The following FRMD4B variants were observed in gnomAD, a reference collection of about 807,000 sequenced individuals.
FRMD4B encodes the protein FERM domain-containing protein 4B.
In FRMD4B, 74 loss-of-function variants were observed where a neutral mutation model predicts 141.5. The ratio of observed to expected loss-of-function variants is 0.52; its 90% confidence interval spans 0.43 to 0.63. The LOEUF (loss-of-function observed/expected upper bound fraction) is 0.63, where lower values mean the gene tolerates loss of function less well. Ranked by LOEUF, FRMD4B falls within the 30% of genes least tolerant of loss-of-function variation. FRMD4B has a pLI of 0.00. For missense variants in FRMD4B, 1,366 were observed against 1,253.4 expected, an observed-to-expected ratio of 1.09 and a Z score of -1.36; for synonymous variants, 506 against 467.9, an observed-to-expected ratio of 1.08 and a Z score of -1.05.
At chr3:69,277,113 T>A (rs992636506) in intron 5 of FRMD4B, among the ~76,000 whole-genome samples, 6 of 152,220 alleles carry the variant, frequency 3.9e-5, no homozygotes, top group Admixed American at 3.3e-4. Context: ...AGTCTTGCAA[T>A]AACCCTATTT....
chr3:69,272,287 T>C (rs4855372), intron 5 of FRMD4B, among the ~76,000 whole-genome samples: 105,503 of 151,986 alleles, frequency 0.69, 37,333 homozygotes, highest in Non-Finnish European at 0.77. Flanking sequence ...GAACTACAGG[T>C]GTGCACCACC....
intron 1 of FRMD4B, among the ~76,000 whole-genome samples, chr3:69,320,388 T>G (rs1283553224): frequency 6.6e-6 from 1 of 151,344 alleles, no homozygotes; most frequent in African/African-American, 2.4e-5. Flanking sequence ...AGCCCAGGAG[T>G]TTGAGACCCA....
At position 69,195,330 on chromosome 3, in the gene FRMD4B, C is replaced by G; in HGVS notation, c.1269G>C (p.Lys423Asn). The G allele has an allele frequency of 6.2e-7, 1 of 1,613,118 alleles. No individual in the cohort carries two copies. The highest frequency in any genetic ancestry group is 8.5e-7 in the Non-Finnish European group (1 of 1,179,550). The change falls in exon 15 of 23, where the codon AAG (lysine) becomes AAC (asparagine). Residue 423 changes from lysine to asparagine, a missense_variant. Physicochemically the swap from Lys to Asn is moderately conservative, Grantham distance 94 (BLOSUM62 0). Transcript: ENST00000398540. Reference sequence around the variant, plus strand: ...TCTTTAGTTCAAGGATTTTTTCTCTCTTTTGCTCTTCACTAACTTCTGAGT... The same window carrying G: ...TCTTTAGTTCAAGGATTTTTTCTCTGTTTTGCTCTTCACTAACTTCTGAGT... ...SQDSEVSEEQ[K>N]REKILELKKK...
chr3:69,364,693 G>A (rs952556750), intron 1 of FRMD4B, among the ~76,000 whole-genome samples: 13 of 152,024 alleles, frequency 8.6e-5, no homozygotes, highest in Non-Finnish European at 1.5e-4. Context: ...TTTCATGGTC[G>A]CTCGTGGCTA....
chr3:69,538,891 A>T (rs538712225), intron 1 of FRMD4B, among the ~76,000 whole-genome samples: 1 of 152,344 alleles, frequency 6.6e-6, no homozygotes, highest in African/African-American at 2.4e-5. Context: ...ATCTAAAACA[A>T]ATAACAACTA....
intron 7 of FRMD4B, among the ~76,000 whole-genome samples, chr3:69,240,793 A>G (rs2093376843): frequency 6.6e-6 from 1 of 152,230 alleles, no homozygotes; most frequent in South Asian, 2.1e-4. Context: ...TCCAGAAACA[A>G]ACCAAAAGGC....
chr3:69,236,289 C>G (rs1575642371), intron 7 of FRMD4B, among the ~76,000 whole-genome samples: 2 of 150,666 alleles, frequency 1.3e-5, no homozygotes, highest in African/African-American at 4.9e-5. Context: ...AGTGCAGTGG[C>G]ACAATCTCAG....
At chr3:69,431,170 G>C (rs1053848134) in intron 2 of FRMD4B, among the ~76,000 whole-genome samples, 1 of 152,224 alleles carries the variant, frequency 6.6e-6, no homozygotes, top group African/African-American at 2.4e-5. Context: ...ACCAGGTCAA[G>C]TCTAGCCTTA....
intron 20 of FRMD4B, 54 bp from the exon 21 acceptor site, chr3:69,181,764 A>G (rs141409273): frequency 9.1e-7 from 1 of 1,094,196 alleles, no homozygotes; most frequent in Non-Finnish European, 1.3e-6. Flanking sequence ...GGAGGACCCA[A>G]ATAAGAAAAA....
chr3:69,203,014 A>T (rs766793096), intron 11 of FRMD4B, among the ~76,000 whole-genome samples: 27 of 152,100 alleles, frequency 1.8e-4, no homozygotes, highest in Non-Finnish European at 3.7e-4. Flanking sequence ...GGTGGAATCA[A>T]GCTGTATTTT....
intron 10 of FRMD4B, among the ~76,000 whole-genome samples, chr3:69,217,119 A>C (rs565821937): frequency 6.6e-6 from 1 of 152,340 alleles, no homozygotes; most frequent in East Asian, 1.9e-4. Flanking sequence ...TGAACACGGG[A>C]ATATCGAAAA....
chr3:69,278,500 G>C (rs2093628795), intron 5 of FRMD4B, among the ~76,000 whole-genome samples: 2 of 151,712 alleles, frequency 1.3e-5, no homozygotes, highest in African/African-American at 4.8e-5. Context: ...GTCTTGCTAT[G>C]TTGCCCATGC....
chr3:69,494,045 T>A (rs748529352), intron 1 of FRMD4B, among the ~76,000 whole-genome samples: 2 of 152,152 alleles, frequency 1.3e-5, no homozygotes, highest in Non-Finnish European at 2.9e-5. Context: ...CTCAGTTAAT[T>A]TTTTAAAAGA....
chr3:69,372,480 C>T (rs2107493458), intron 1 of FRMD4B, among the ~76,000 whole-genome samples: 1 of 152,286 alleles, frequency 6.6e-6, no homozygotes, highest in South Asian at 2.1e-4. Flanking sequence ...GCCTGGCCAA[C>T]ATGGAGAAAG....
intron 19 of FRMD4B, among the ~76,000 whole-genome samples, chr3:69,186,017 G>C (rs2092762568): frequency 6.6e-6 from 1 of 151,164 alleles, no homozygotes; most frequent in South Asian, 2.1e-4. Context: ...ACTCCAGCCT[G>C]GGTGACAGAG....
chr3:69,522,612 T>A (rs1488231578), intron 1 of FRMD4B, among the ~76,000 whole-genome samples: 3 of 152,106 alleles, frequency 2.0e-5, no homozygotes, highest in Admixed American at 6.5e-5. Context: ...TTATTTGTCA[T>A]CTGAAACTGG....
rs779637708 is a variant in FRMD4B at position 69,203,339 on chromosome 3, A to AG, written c.877-4566_877-4565insC. Among the ~76,000 whole-genome samples, 1,156 of 124,438 alleles carry AG rather than the reference A, an allele frequency of 9.3e-3. 3 individuals are homozygous for AG. The highest frequency in any genetic ancestry group is 0.014 in the Non-Finnish European group (765 of 55,608). 81.6% of individuals were successfully genotyped at this position (124,438 alleles called of 152,430 possible). On this transcript the variant is annotated intron_variant, in intron 11 of 22. Transcript: ENST00000398540. ...CTTCAGCAAAAAAAAAAAAAAAAAA[A>AG]AAAAAGAAAGAAAGAAAGAAAAATA... is the stretch of plus-strand genomic sequence containing the variant.
At chr3:69,196,734 G>A in intron 13 of FRMD4B, 166 bp downstream of exon 13, 2 of 609,146 alleles carry the variant, frequency 3.3e-6, no homozygotes, top group South Asian at 4.3e-5. Flanking sequence ...CTTATATATT[G>A]CCCATCATGT....
Position 69,287,832 on chromosome 3 carries a change from A to G in FRMD4B, c.421T>C (p.Tyr141His), listed in dbSNP as rs1700741802. The G allele has an allele frequency of 6.7e-7, 1 of 1,498,486 alleles. No individual in the cohort carries two copies. The highest frequency in any genetic ancestry group is 9.2e-7 in the Non-Finnish European group (1 of 1,084,736). 92.8% of individuals were successfully genotyped at this position (1,498,486 alleles called of 1,614,324 possible). A position where few individuals can be genotyped will look rare whatever the true frequency, so the allele number is the denominator to read the frequency against. Residue 141 changes from tyrosine to histidine, a missense_variant, in exon 5 of 23, where the codon TAC becomes CAC. Transcript: ENST00000398540. Reference protein sequence around the residue: ...PTILHFAVRFYIESISFLKDK... With the variant: ...PTILHFAVRFHIESISFLKDK... ...TTTAAAAACGATATGCTCTCAATGTAAAACCTGAAAAACAGCAGAGGAGTT... is the reference window on the plus strand; with the variant it reads ...TTTAAAAACGATATGCTCTCAATGTGAAACCTGAAAAACAGCAGAGGAGTT...
Sources: gnomAD v4.1 joint callset for allele counts (sites outside exome capture counted in the v4.1 genomes callset) on GRCh38, gnomAD v4.1.1 for gene constraint, MANE v1.5 for transcripts, NCBI Gene and HGNC (gene_info 2026-07-23, HGNC 2026-07-21) for gene names.